HAS3: variants seen among roughly 807,000 people sequenced by gnomAD.
HAS3 encodes HA synthase 3.
Under a neutral mutation model 50.3 loss-of-function variants are expected in HAS3, and 27 were observed. The ratio of observed to expected loss-of-function variants is 0.54; its 90% CI spans 0.40 to 0.74. The LOEUF is 0.74. HAS3 is among the 30% of genes least tolerant of loss of function. The pLI, the probability that HAS3 is intolerant of heterozygous loss-of-function variation, is 0.00. For missense variants in HAS3, 517 were observed against 742.8 expected, an observed-to-expected ratio of 0.70 and a Z score of 3.53; for synonymous variants, 339 against 310.9, an observed-to-expected ratio of 1.09 and a Z score of -0.95.
intron 3 of HAS3, among the ~76,000 whole-genome samples, 157 bp downstream of exon 3, chr16:69,113,699 C>T (rs1350890349): frequency 1.3e-5 from 2 of 152,200 alleles, no homozygotes; most frequent in African/African-American, 2.4e-5. Flanking sequence ...GCCCCCCTCA[C>T]TGCCCAACCC....
chr16:69,111,678 C>T (rs1354578591), intron 2 of HAS3, among the ~76,000 whole-genome samples: 1 of 152,210 alleles, frequency 6.6e-6, no homozygotes, highest in African/African-American at 2.4e-5. Flanking sequence ...GGCCCAGGAC[C>T]TCCTCAGTCA....
At chr16:69,088,495 G>T in the HAS3 span, among the ~76,000 whole-genome samples, 4 of 151,310 alleles carry the variant, frequency 2.6e-5, no homozygotes, top group Non-Finnish European at 5.9e-5. Context: ...AGGAGGCAGA[G>T]GTTGCAGTGA....
chr16:69,116,754 G>A lies in HAS3; in HGVS notation c.*1488G>A. 1 of 985,380 alleles carries A rather than the reference G, an allele frequency of 1.0e-6. No homozygotes were observed. The highest frequency in any genetic ancestry group is 1.2e-6 in the Non-Finnish European group (1 of 829,910). The allele number at this position is 985,380 out of a possible 1,614,324, so 61.0% of individuals were successfully genotyped here. ...CATTTTCCAGTGACTTGCAATCCAG[G>A]CTGTTCTCAGCGTTTTGAGTTTAAA... On this transcript the variant is annotated 3_prime_UTR_variant, in exon 4 of 4. Coordinates refer to ENST00000569188, the MANE Select transcript of HAS3 (RefSeq NM_001199280.2).
At chr16:69,090,813 TCC>T in the HAS3 span, among the ~76,000 whole-genome samples, 1 of 152,240 alleles carries the variant, frequency 6.6e-6, no homozygotes, top group Non-Finnish European at 1.5e-5. Flanking sequence ...GCTCAAAAGA[TCC>T]ACCTGCCTCG....
the HAS3 span, among the ~76,000 whole-genome samples, chr16:69,088,557 CAAAAAAA>C: frequency 2.3e-4 from 12 of 52,288 alleles, no homozygotes; most frequent in African/African-American, 3.1e-4. Flanking sequence ...GACTCCATCT[CAAAAAAA>C]AAAAAAAAAA....
the HAS3 span, among the ~76,000 whole-genome samples, chr16:69,094,952 G>T: frequency 6.7e-6 from 1 of 148,974 alleles, no homozygotes; most frequent in African/African-American, 2.5e-5. Context: ...GTTCCTTCTG[G>T]CTTGACAGCT....
chr16:69,105,397 A>G (rs1476580978), upstream of HAS3, among the ~76,000 whole-genome samples: 2 of 151,874 alleles, frequency 1.3e-5, no homozygotes, highest in Non-Finnish European at 2.9e-5. Flanking sequence ...GTCTAGCACT[A>G]TCTTTTAGGG....
rs771507801 is a variant in HAS3 at position 69,113,478 on chromosome 16, C to G, written c.674C>G (p.Thr225Ser). ...DSDTVLDPAC[T>S]IEMLRVLEED... ...GACACTGTGCTGGATCCAGCCTGCA[C>G]CATCGAGATGCTTCGAGTCCTGGAG... is the stretch of plus-strand genomic sequence containing the variant. The change falls in exon 3 of 4, where the codon ACC (threonine) becomes AGC (serine). Residue 225 changes from threonine to serine, a missense_variant. Coordinates refer to ENST00000569188, the MANE Select transcript of HAS3 (RefSeq NM_001199280.2). The G allele has an allele frequency of 3.1e-6, 5 of 1,613,826 alleles. No homozygotes were observed. The South Asian group carries it at 5.5e-5, about 18-fold the overall frequency.
chr16:69,088,126 G>C, the HAS3 span, among the ~76,000 whole-genome samples: 1 of 152,096 alleles, frequency 6.6e-6, no homozygotes, highest in Admixed American at 6.6e-5. Context: ...CACAAGCAAC[G>C]ACAACGATTT....
the HAS3 span, among the ~76,000 whole-genome samples, chr16:69,098,522 C>T: frequency 4.6e-5 from 7 of 152,022 alleles, no homozygotes; most frequent in Non-Finnish European, 1.0e-4. Flanking sequence ...GGACGACATG[C>T]ACATGGCACT....
upstream of HAS3, among the ~76,000 whole-genome samples, chr16:69,103,998 G>A (rs1960723837): frequency 1.3e-5 from 2 of 152,206 alleles, no homozygotes; most frequent in South Asian, 4.1e-4. Flanking sequence ...GGCCCCTCAG[G>A]CCATCTGAAG....
chr16:69,087,563 T>C, the HAS3 span, among the ~76,000 whole-genome samples: 3 of 152,100 alleles, frequency 2.0e-5, no homozygotes, highest in Admixed American at 2.0e-4. Context: ...TGCTTTTTTT[T>C]TTCTTTTTGT....
chr16:69,115,270 G>A lies in HAS3; in HGVS notation c.*4G>A, dbSNP rs2232233. The A allele has an allele frequency of 8.8e-4, 1,336 of 1,515,518 alleles. 8 individuals are homozygous for A. The African/African-American group carries it at 0.017, about 20-fold the overall frequency. 93.9% of individuals were successfully genotyped at this position (1,515,518 alleles called of 1,614,324 possible). ...CTTGGCTTTTGCTGAGGTGTGACAT[G>A]GCCCCCAAGCAGAGCGGGTAAAGTG... is the stretch of plus-strand genomic sequence containing the variant. On this transcript the variant is annotated 3_prime_UTR_variant, in exon 4 of 4. Coordinates refer to ENST00000569188, the MANE Select transcript of HAS3 (RefSeq NM_001199280.2).
the HAS3 span, among the ~76,000 whole-genome samples, chr16:69,089,835 C>T: frequency 3.9e-5 from 6 of 152,204 alleles, no homozygotes; most frequent in Non-Finnish European, 7.3e-5. Context: ...TTTTTGTGCC[C>T]CTCCTCCAGA....
chr16:69,087,473 G>A, the HAS3 span, among the ~76,000 whole-genome samples: 2 of 151,818 alleles, frequency 1.3e-5, no homozygotes, highest in African/African-American at 4.8e-5. Flanking sequence ...CTTAACTTTT[G>A]CTTTGCTCCT....
At chr16:69,111,101 G>A (rs934358924) in intron 2 of HAS3, among the ~76,000 whole-genome samples, 2 of 134,514 alleles carry the variant, frequency 1.5e-5, no homozygotes, top group Non-Finnish European at 3.1e-5. Context: ...AAAGATTAAA[G>A]ACCACATCTT....
chr16:69,111,238 T>C (rs1026973895), intron 2 of HAS3, among the ~76,000 whole-genome samples: 2 of 138,076 alleles, frequency 1.4e-5, no homozygotes. Context: ...ACCCAGCTAC[T>C]TTTTGTAGTT....
At chr16:69,118,694 C>A (rs1355018404), downstream of HAS3, 5 of 660,366 alleles carry the variant, frequency 7.6e-6, no homozygotes, top group Non-Finnish European at 1.4e-5. Flanking sequence ...ATCTCACCTT[C>A]AGTCAAGAAA....
chr16:69,096,887 G>A, the HAS3 span, among the ~76,000 whole-genome samples: 16 of 150,992 alleles, frequency 1.1e-4, no homozygotes, highest in East Asian at 2.0e-3. Flanking sequence ...AAAGTGCTGG[G>A]ATTACAGGTG....
Sources: gnomAD v4.1 joint callset for allele counts (sites outside exome capture counted in the v4.1 genomes callset) on GRCh38, gnomAD v4.1.1 for gene constraint, MANE v1.5 for transcripts, NCBI Gene and HGNC (gene_info 2026-07-23, HGNC 2026-07-21) for gene names.